The following SEMA6D variants were observed in gnomAD, a reference collection of about 807,000 sequenced individuals.
SEMA6D encodes semaphorin-6D.
SEMA6D carries 35 observed loss-of-function variants against 106.6 expected under a neutral mutation model. The observed-to-expected ratio is 0.33, with a 90% CI of 0.25 to 0.44. The LOEUF (loss-of-function observed/expected upper bound fraction) is 0.44. Among genes scored for constraint, SEMA6D ranks in the 20% least tolerant of loss-of-function variants. The pLI is 1.00. For synonymous variants in SEMA6D, 499 were observed against 487.7 expected, an observed-to-expected ratio of 1.02 and a Z score of -0.31; for missense variants, 1,185 against 1,345.9, an observed-to-expected ratio of 0.88 and a Z score of 1.87.
intron 1 of SEMA6D, among the ~76,000 whole-genome samples, chr15:47,731,104 C>G (rs1162741202): frequency 6.6e-6 from 1 of 152,174 alleles, no homozygotes; most frequent in African/African-American, 2.4e-5. Context: ...TTTATTATTG[C>G]CATTTACATT....
At chr15:47,248,424 G>A (rs186373633) in intron 1 of SEMA6D, among the ~76,000 whole-genome samples, 12 of 152,240 alleles carry the variant, frequency 7.9e-5, no homozygotes, top group African/African-American at 1.9e-4. Context: ...GTCATTCCCC[G>A]TCCTACAGAA....
chr15:47,683,035 T>C (rs1178381759), intron 4 of SEMA6D, among the ~76,000 whole-genome samples: 2 of 152,188 alleles, frequency 1.3e-5, no homozygotes, highest in Admixed American at 6.5e-5. Flanking sequence ...AGACCATGAG[T>C]AGAAATGATT....
At chr15:47,445,144 C>A (rs868679291) in intron 2 of SEMA6D, among the ~76,000 whole-genome samples, 35 of 152,186 alleles carry the variant, frequency 2.3e-4, no homozygotes, top group Middle Eastern at 3.4e-3. Flanking sequence ...CATTCTTCTG[C>A]TCTCCTGTTT....
At chr15:47,611,804 A>G (rs954867408) in intron 4 of SEMA6D, among the ~76,000 whole-genome samples, 5 of 152,224 alleles carry the variant, frequency 3.3e-5, no homozygotes, top group Non-Finnish European at 7.3e-5. Flanking sequence ...TGATAAATCA[A>G]TGTCAAAAGT....
At chr15:47,268,736 GAT>G (rs2034432391) in intron 1 of SEMA6D, among the ~76,000 whole-genome samples, 1 of 152,108 alleles carries the variant, frequency 6.6e-6, no homozygotes, top group South Asian at 2.1e-4. Context: ...CAATTCTTAG[GAT>G]TTGTGGACTT....
intron 1 of SEMA6D, among the ~76,000 whole-genome samples, chr15:47,284,392 C>T (rs1163049502): frequency 6.6e-6 from 1 of 152,210 alleles, no homozygotes; most frequent in Non-Finnish European, 1.5e-5. Context: ...GCCCCCGTTT[C>T]TTAACCACTA....
At chr15:47,502,756 A>G (rs547849316) in intron 3 of SEMA6D, among the ~76,000 whole-genome samples, 2 of 152,324 alleles carry the variant, frequency 1.3e-5, no homozygotes, top group Admixed American at 6.5e-5. Flanking sequence ...ACCTCCATGT[A>G]TTAATACTCT....
At chr15:47,257,380 A>G (rs1165747016) in intron 1 of SEMA6D, among the ~76,000 whole-genome samples, 1 of 152,162 alleles carries the variant, frequency 6.6e-6, no homozygotes, top group Non-Finnish European at 1.5e-5. Flanking sequence ...TTCTTTAGGT[A>G]GGAACTTCAA....
rs1210739690 is a variant in SEMA6D at position 47,233,633 on chromosome 15, CATTACTT to C, written c.-239+49217_-239+49223del. On this transcript the variant is annotated intron_variant, in intron 1 of 19. Transcript: ENST00000558014. Reference sequence around the variant, plus strand: ...TTTTCAGTATTTAAATCTTTTACTTCATTACTTAAGTTTGTTCCTGGGTATTTTATTC... The same window carrying C: ...TTTTCAGTATTTAAATCTTTTACTTCAAGTTTGTTCCTGGGTATTTTATTC... Among the ~76,000 whole-genome samples the C allele has an allele frequency of 1.3e-4, 20 of 151,996 alleles. No individual in the cohort carries two copies. In the East Asian group the frequency reaches 3.9e-3, roughly 29 times the overall value.
chr15:47,257,440 C>T (rs933153291), intron 1 of SEMA6D, among the ~76,000 whole-genome samples: 1 of 152,052 alleles, frequency 6.6e-6, no homozygotes, highest in Admixed American at 6.6e-5. Flanking sequence ...TTTGTGTTAC[C>T]AGTTTCCCTC....
At chr15:47,634,707 G>A (rs556784215) in intron 4 of SEMA6D, among the ~76,000 whole-genome samples, 1 of 152,168 alleles carries the variant, frequency 6.6e-6, no homozygotes. Context: ...CACTACCCTG[G>A]TGGGGGCAAT....
chr15:47,209,948 G>GT (rs1481698160), intron 1 of SEMA6D, among the ~76,000 whole-genome samples: 1 of 152,172 alleles, frequency 6.6e-6, no homozygotes, highest in Non-Finnish European at 1.5e-5. Flanking sequence ...TGAATGTTAG[G>GT]TTTTTGTCCT....
chr15:47,696,801 A>C (rs1157623777), intron 4 of SEMA6D, among the ~76,000 whole-genome samples: 1 of 152,228 alleles, frequency 6.6e-6, no homozygotes, highest in Non-Finnish European at 1.5e-5. Flanking sequence ...TCATAGATGT[A>C]GGTACAATAC....
At position 47,662,597 on chromosome 15, in the gene SEMA6D, C is replaced by T. The variant is rs138346767; in HGVS notation, c.-55+61701C>T. ...CCAAATACATTCCAGCAATAACCTG[C>T]CCCATTAGGCATTCTCCACGTATAC... On this transcript the variant is annotated intron_variant, in intron 4 of 19. Transcript: ENST00000558014. Among the ~76,000 whole-genome samples, 338 of 152,216 alleles carry T rather than the reference C, an allele frequency of 2.2e-3. 1 individual carries two copies. Among genetic ancestry groups the T allele is most frequent in the Middle Eastern group, 0.017 (5 of 294 alleles).
chr15:47,472,593 G>A (rs371604156), intron 3 of SEMA6D, among the ~76,000 whole-genome samples: 4 of 152,064 alleles, frequency 2.6e-5, no homozygotes, highest in Admixed American at 6.5e-5. Flanking sequence ...AATCTATGTG[G>A]CATTAATCTT....
chr15:47,235,755 T>C (rs2032499626), intron 1 of SEMA6D, among the ~76,000 whole-genome samples: 1 of 152,166 alleles, frequency 6.6e-6, no homozygotes. Flanking sequence ...GGTAATGTGA[T>C]ACCTCCAGAT....
In SEMA6D at chr15:47,269,092, A is replaced by G. The variant is rs184024172; in HGVS notation, c.-239+84674A>G. ...GCTTTAAATCCCAGCCATTTTATAT[A>G]TGATTCTGAGAAGTTTTCTATATTA... On this transcript the variant is annotated intron_variant, in intron 1 of 19. Transcript: ENST00000558014. Among the ~76,000 whole-genome samples the G allele has an allele frequency of 3.9e-4, 60 of 152,218 alleles. No individual in the cohort carries two copies. In the East Asian group the frequency reaches 0.011, roughly 27 times the overall value.
At chr15:47,734,453 A>G (rs2080329443) in intron 1 of SEMA6D, among the ~76,000 whole-genome samples, 1 of 152,160 alleles carries the variant, frequency 6.6e-6, no homozygotes, top group South Asian at 2.1e-4. Context: ...TCGAACAAGG[A>G]GAACCACACT....
At chr15:47,207,993 G>GCGCGCACACACACACACACACACA (rs1424944556) in intron 1 of SEMA6D, among the ~76,000 whole-genome samples, 1 of 89,398 alleles carries the variant, frequency 1.1e-5, no homozygotes, top group African/African-American at 4.1e-5. Flanking sequence ...TGGCGCGCGC[G>GCGCGCACACACACACACACACACA]CACACACACA....
Sources: allele counts gnomAD v4.1 joint callset (sites outside exome capture counted in the v4.1 genomes callset), GRCh38; gene constraint gnomAD v4.1.1; transcripts MANE v1.5; gene names NCBI Gene and HGNC (gene_info 2026-07-23, HGNC 2026-07-21).